The following BOC variants were observed in gnomAD, a reference collection of about 807,000 sequenced individuals.
BOC encodes the protein brother of CDO.
In BOC, 76 loss-of-function variants were observed where a neutral mutation model predicts 112.0. The observed-to-expected ratio is 0.68, with a 90% CI of 0.56 to 0.82. The LOEUF is 0.82. Among genes scored for constraint, BOC ranks in the 40% least tolerant of loss-of-function variants. The pLI, the probability that BOC is intolerant of heterozygous loss-of-function variation, is 0.00. For missense variants in BOC, 1,309 were observed against 1,511.7 expected, an observed-to-expected ratio of 0.87 and a Z score of 2.22; for synonymous variants, 580 against 599.8, an observed-to-expected ratio of 0.97 and a Z score of 0.48.
At chr3:113,268,206 T>G in intron 4 of BOC, 93 bp from the exon 5 acceptor site, 1 of 1,546,488 alleles carries the variant, frequency 6.5e-7, no homozygotes, top group South Asian at 1.3e-5. Flanking sequence ...GTGAGCTTTG[T>G]CATGACTGAC....
chr3:113,252,976 G>A (rs1945817989), intron 4 of BOC, among the ~76,000 whole-genome samples: 1 of 152,092 alleles, frequency 6.6e-6, no homozygotes, highest in African/African-American at 2.4e-5. Context: ...GAAGGGCTGA[G>A]GTCAGAACTA....
intron 2 of BOC, among the ~76,000 whole-genome samples, chr3:113,245,842 C>A (rs966806592): frequency 2.6e-5 from 4 of 152,196 alleles, no homozygotes; most frequent in African/African-American, 9.7e-5. Context: ...ATCCAAAGGG[C>A]ATGTTTTGTG....
At position 113,212,024 on chromosome 3, in the gene BOC, A is replaced by C. The variant is rs1368063625; in HGVS notation, c.-170+8A>C. ...GCGCCGGCTGCAGCAGAGGTGAGTC[A>C]CGTCGCTGAAGTTTGTTTTCTTTTC... is the stretch of plus-strand genomic sequence containing the variant. On this transcript the variant is annotated splice_region_variant and intron_variant, in intron 1 of 19. Transcript: ENST00000682979. 1 of 152,246 alleles carries C rather than the reference A, an allele frequency of 6.6e-6. No individual in the cohort carries two copies. The highest frequency in any genetic ancestry group is 1.9e-4 in the East Asian group (1 of 5,168). The allele number at this position is 152,246 out of a possible 1,614,324, so 9.4% of individuals were successfully genotyped here.
chr3:113,283,814 G>C (rs1196217152), intron 16 of BOC, among the ~76,000 whole-genome samples, 182 bp downstream of exon 16: 4 of 151,838 alleles, frequency 2.6e-5, no homozygotes, highest in Non-Finnish European at 5.9e-5. Flanking sequence ...GGCTTGGGGA[G>C]GAGGAAGGAG....
chr3:113,283,950 G>C (rs1044759153), intron 16 of BOC, among the ~76,000 whole-genome samples: 1 of 152,014 alleles, frequency 6.6e-6, no homozygotes, highest in African/African-American at 2.4e-5. Flanking sequence ...CCTCTTCCCT[G>C]GGTGCGGAGC....
chr3:113,260,677 C>T (rs200832166), intron 4 of BOC, among the ~76,000 whole-genome samples: 4 of 107,610 alleles, frequency 3.7e-5, no homozygotes, highest in African/African-American at 1.6e-4. Context: ...TAGAACAGAA[C>T]AGAACAGAAC....
chr3:113,257,648 T>C (rs1015537792), intron 4 of BOC, among the ~76,000 whole-genome samples: 2 of 143,340 alleles, frequency 1.4e-5, no homozygotes, highest in Non-Finnish European at 2.9e-5. Context: ...ACTCAATTAA[T>C]AAAATAATTT....
chr3:113,224,169 G>A (rs1465447256), intron 2 of BOC, among the ~76,000 whole-genome samples: 1 of 152,228 alleles, frequency 6.6e-6, no homozygotes, highest in Non-Finnish European at 1.5e-5. Flanking sequence ...TCCACATCCG[G>A]TGGTGGTGGC....
chr3:113,217,157 G>A (rs993440176), intron 2 of BOC, among the ~76,000 whole-genome samples: 2 of 152,210 alleles, frequency 1.3e-5, no homozygotes, highest in Admixed American at 1.3e-4. Context: ...TTACTGGCCT[G>A]AAGGGAAACG....
chr3:113,279,175 C>A, intron 11 of BOC, 74 bp from the exon 12 acceptor site: 3 of 1,474,272 alleles, frequency 2.0e-6, no homozygotes, highest in Non-Finnish European at 2.8e-6. Context: ...GGGCATACAG[C>A]GTCATCTCAC....
At chr3:113,262,965 T>A (rs1247898689) in intron 4 of BOC, among the ~76,000 whole-genome samples, 1 of 152,202 alleles carries the variant, frequency 6.6e-6, no homozygotes, top group Non-Finnish European at 1.5e-5. Context: ...GAGAAAACTC[T>A]TAGTGACTTT....
At chr3:113,256,668 T>C (rs1439823099) in intron 4 of BOC, among the ~76,000 whole-genome samples, 1 of 152,216 alleles carries the variant, frequency 6.6e-6, no homozygotes, top group African/African-American at 2.4e-5. Context: ...TTAAGGACCA[T>C]TGTAGCGATT....
chr3:113,216,239 A>T lies in BOC; in HGVS notation c.-117A>T, dbSNP rs973414275. 3 of 456,570 alleles carry T rather than the reference A, an allele frequency of 6.6e-6. No individual in the cohort carries two copies. Among genetic ancestry groups the T allele is most frequent in the African/African-American group, 6.0e-5 (3 of 50,058 alleles). The allele number at this position is 456,570 out of a possible 1,614,324, so 28.3% of individuals were successfully genotyped here. On this transcript the variant is annotated 5_prime_UTR_variant, in exon 2 of 20. Transcript: ENST00000682979. ...GACCCATGAAGTCTTGTCGACATTT[A>T]TACCGTCTGAGGGTAGCAGCTCGAA...
chr3:113,243,781 A>G (rs1944588946), intron 2 of BOC, among the ~76,000 whole-genome samples: 1 of 152,154 alleles, frequency 6.6e-6, no homozygotes, highest in African/African-American at 2.4e-5. Context: ...TTTCCAGAAC[A>G]CCTTCCCTTA....
chr3:113,264,783 G>A (rs1259804762), intron 4 of BOC, among the ~76,000 whole-genome samples: 2 of 152,306 alleles, frequency 1.3e-5, no homozygotes, highest in African/African-American at 4.8e-5. Context: ...CAAATTGGGA[G>A]TGTTTAAGCT....
chr3:113,278,309 T>A lies in BOC; in HGVS notation c.1705+52T>A. On this transcript the variant is annotated intron_variant, in intron 10 of 19. Coordinates refer to ENST00000682979, the MANE Select transcript of BOC (RefSeq NM_001378074.1). This position sits in a 1 kb window ranked among gnomAD's most constrained non-coding sequence, Gnocchi z 4.2. Reference sequence around the variant, plus strand: ...TAGGGTTTCCGTGGGTCTAAGCAAGTTCCACTGGCCCAGGTGAGAATTCCT... The same window carrying A: ...TAGGGTTTCCGTGGGTCTAAGCAAGATCCACTGGCCCAGGTGAGAATTCCT... 6.3e-7 allele frequency: 1 copy of A among 1,581,178 alleles called. No individual in the cohort carries two copies.
At chr3:113,233,322 G>C (rs1942965795) in intron 2 of BOC, among the ~76,000 whole-genome samples, 1 of 152,130 alleles carries the variant, frequency 6.6e-6, no homozygotes, top group African/African-American at 2.4e-5. Flanking sequence ...TTTGAGTCAT[G>C]TGGAGGGTAT....
chr3:113,222,946 C>T (rs1440001611), intron 2 of BOC, among the ~76,000 whole-genome samples: 1 of 152,244 alleles, frequency 6.6e-6, no homozygotes, highest in African/African-American at 2.4e-5. Context: ...GCCAGGCACA[C>T]AGGTGACAGA....
At chr3:113,223,137 C>T (rs1941040255) in intron 2 of BOC, among the ~76,000 whole-genome samples, 1 of 152,252 alleles carries the variant, frequency 6.6e-6, no homozygotes, top group African/African-American at 2.4e-5. Flanking sequence ...CTTATGCTGA[C>T]ACCAAAGGTG....
Sources: gnomAD v4.1 joint callset for allele counts (sites outside exome capture counted in the v4.1 genomes callset) on GRCh38, gnomAD v4.1.1 for gene constraint, Gnocchi (gnomAD v3.1) non-coding constraint, MANE v1.5 for transcripts, NCBI Gene and HGNC (gene_info 2026-07-23, HGNC 2026-07-21) for gene names.